The following SLC16A2 variants were observed in gnomAD, a reference collection of about 807,000 sequenced individuals.
The protein encoded by SLC16A2 is monocarboxylate transporter 8.
Under a neutral mutation model 27.2 loss-of-function variants are expected in SLC16A2, and 3 were observed. The ratio of observed to expected loss-of-function variants is 0.11; its 90% CI spans 0.05 to 0.28. The LOEUF is 0.28. Ranked by LOEUF, SLC16A2 falls within the 10% of genes least tolerant of loss-of-function variation. The pLI is 1.00. For missense variants in SLC16A2, 295 were observed against 458.5 expected (o/e 0.64, Z 3.26); for synonymous variants, 202 against 187.8 (o/e 1.08, Z -0.62).
intron 1 of SLC16A2, among the ~76,000 whole-genome samples, chrX:74,459,502 C>T (rs1181886955): frequency 9.2e-6 from 1 of 109,112 alleles, no homozygotes; most frequent in African/African-American, 3.3e-5. Context: ...CCCACTGGGG[C>T]TCTGCCACTT....
intron 1 of SLC16A2, among the ~76,000 whole-genome samples, chrX:74,496,042 G>A (rs760234861): frequency 4.6e-4 from 51 of 111,202 alleles, no homozygotes; most frequent in African/African-American, 5.9e-4. Context: ...CAACTGCCCG[G>A]TCTTCCAGAT....
Position 74,421,790 on chromosome X carries a change from C to G in SLC16A2, c.153C>G (p.Pro51=). 1 of 1,150,313 alleles carries G rather than the reference C, an allele frequency of 8.7e-7. No individual in the cohort carries two copies. The highest frequency in any genetic ancestry group is 1.2e-6 in the Non-Finnish European group (1 of 859,270). The allele number at this position is 1,150,313 out of a possible 1,213,427, so 94.8% of individuals were successfully genotyped here. A position where few individuals can be genotyped will look rare whatever the true frequency, so the allele number is the denominator to read the frequency against. ...CCGTGCCAGTGCCCCCGCCCGAGCC[C>G]CAGCCGGAGCCCCAGCCCCTACCGG... is the stretch of plus-strand genomic sequence containing the variant. The part of the protein sequence containing the change: ...PEPVPVPPPE[P]QPEPQPLPDP... Residue 51 remains proline, a synonymous_variant, in exon 1 of 6, where the codon CCC becomes CCG. Transcript: ENST00000587091.
At chrX:74,422,714 C>G (rs112465717) in intron 1 of SLC16A2, among the ~76,000 whole-genome samples, 1 of 112,177 alleles carries the variant, frequency 8.9e-6, no homozygotes, top group Non-Finnish European at 1.9e-5. Context: ...CAGCTGGGCC[C>G]GGCAGTCCTC....
intron 1 of SLC16A2, among the ~76,000 whole-genome samples, chrX:74,511,153 A>C (rs950653718): frequency 9.0e-6 from 1 of 111,415 alleles, no homozygotes; most frequent in African/African-American, 3.3e-5. Flanking sequence ...GGAGAGATAA[A>C]AATGAGATTC....
intron 1 of SLC16A2, among the ~76,000 whole-genome samples, chrX:74,472,776 G>A (rs1929382888): frequency 1.8e-5 from 2 of 108,531 alleles, no homozygotes; most frequent in Admixed American, 9.9e-5. Context: ...AAAACCCTTC[G>A]TTGGAATGCT....
rs1044544997 is a variant in SLC16A2, at chrX:74,511,923, C to T, written c.431-9067C>T. Reference sequence around the variant, plus strand: ...AGCTGGAGGTCACTCTTCTGGTGAGCCGCAGAGATAAGGGCTCCTGTTATC... The same window carrying T: ...AGCTGGAGGTCACTCTTCTGGTGAGTCGCAGAGATAAGGGCTCCTGTTATC... On this transcript the variant is annotated intron_variant, in intron 1 of 5. Transcript: ENST00000587091. 2.7e-5 allele frequency among the ~76,000 whole-genome samples: 3 copies of T among 112,022 alleles called. No homozygotes were observed. The Admixed American group carries it at 2.8e-4, about 11-fold the overall frequency.
intron 1 of SLC16A2, among the ~76,000 whole-genome samples, chrX:74,512,962 A>G (rs189621325): frequency 1.8e-5 from 2 of 111,424 alleles, no homozygotes; most frequent in East Asian, 5.7e-4. Context: ...TTTGGGGCCA[A>G]GTCTCACTCC....
intron 1 of SLC16A2, among the ~76,000 whole-genome samples, chrX:74,483,127 C>G (rs1929655384): frequency 9.0e-6 from 1 of 111,365 alleles, no homozygotes; most frequent in African/African-American, 3.3e-5. Flanking sequence ...AGCATACAGC[C>G]TCTGTGTCAC....
intron 1 of SLC16A2, among the ~76,000 whole-genome samples, chrX:74,445,395 G>A (rs1482201266): frequency 9.1e-6 from 1 of 110,239 alleles, no homozygotes; most frequent in Non-Finnish European, 1.9e-5. Flanking sequence ...TTCGGCTTGT[G>A]TTCCTGCAAG....
intron 1 of SLC16A2, among the ~76,000 whole-genome samples, chrX:74,507,063 C>A (rs141213573): frequency 6.4e-5 from 7 of 108,543 alleles, no homozygotes; most frequent in Admixed American, 1.0e-4. Flanking sequence ...CCGCTCCCCC[C>A]CCAACCACAA....
chrX:74,501,298 C>A (rs938784207), intron 1 of SLC16A2, among the ~76,000 whole-genome samples: 1 of 111,225 alleles, frequency 9.0e-6, no homozygotes, highest in Non-Finnish European at 1.9e-5. Flanking sequence ...CGACCAAACT[C>A]TCCCCAGAGA....
At chrX:74,442,788 C>T (rs1214059392) in intron 1 of SLC16A2, among the ~76,000 whole-genome samples, 1 of 111,293 alleles carries the variant, frequency 9.0e-6, no homozygotes, top group Non-Finnish European at 1.9e-5. Flanking sequence ...AAGCCCATCT[C>T]TACTAAAAAT....
chrX:74,511,414 T>G (rs1477225328), intron 1 of SLC16A2, among the ~76,000 whole-genome samples: 1 of 111,781 alleles, frequency 8.9e-6, no homozygotes, highest in Non-Finnish European at 1.9e-5. Flanking sequence ...ATCTCCTGAC[T>G]TCGTGATCCT....
At chrX:74,426,435 G>A (rs918754241) in intron 1 of SLC16A2, among the ~76,000 whole-genome samples, 3 of 112,128 alleles carry the variant, frequency 2.7e-5, no homozygotes, top group African/African-American at 9.7e-5. Flanking sequence ...TGTTTGAGTT[G>A]GGGTAGCTGG....
chrX:74,430,930 T>TG (rs1418710524), intron 1 of SLC16A2, among the ~76,000 whole-genome samples: 1 of 112,301 alleles, frequency 8.9e-6, no homozygotes, highest in Admixed American at 9.4e-5. Flanking sequence ...TTTGTAGAGA[T>TG]GGGGTTTCTT....
intron 1 of SLC16A2, among the ~76,000 whole-genome samples, chrX:74,486,494 C>T (rs1929723291): frequency 8.9e-6 from 1 of 112,096 alleles, no homozygotes; most frequent in Admixed American, 9.5e-5. Flanking sequence ...CTCATCATCA[C>T]TGGCCATCAG....
At chrX:74,442,088 C>CGTG (rs1295324624) in intron 1 of SLC16A2, among the ~76,000 whole-genome samples, 6 of 109,298 alleles carry the variant, frequency 5.5e-5, no homozygotes, top group Non-Finnish European at 1.1e-4. Context: ...ATTAGCCAGA[C>CGTG]GTGGTGGCGC....
intron 1 of SLC16A2, among the ~76,000 whole-genome samples, chrX:74,426,126 G>A (rs1362151525): frequency 8.9e-6 from 1 of 112,071 alleles, no homozygotes; most frequent in African/African-American, 3.2e-5. Context: ...GCTTGGTTCA[G>A]TGTCTCACTG....
At chrX:74,509,975 T>C (rs932842318) in intron 1 of SLC16A2, among the ~76,000 whole-genome samples, 3 of 112,531 alleles carry the variant, frequency 2.7e-5, no homozygotes, top group African/African-American at 9.7e-5. Flanking sequence ...ATGTTTTTTA[T>C]CTGGTTTTGG....
Sources: gnomAD v4.1 joint callset for allele counts (sites outside exome capture counted in the v4.1 genomes callset) on GRCh38, gnomAD v4.1.1 for gene constraint, MANE v1.5 for transcripts, NCBI Gene and HGNC (gene_info 2026-07-23, HGNC 2026-07-21) for gene names.